The following CSMD1 variants were observed in gnomAD, a reference collection of about 807,000 sequenced individuals.
CSMD1 encodes CUB and sushi domain-containing protein 1.
Under a neutral mutation model 417.5 loss-of-function variants are expected in CSMD1, and 213 were observed. The observed-to-expected ratio is 0.51, with a 90% CI of 0.46 to 0.57. The LOEUF is 0.57. Ranked by LOEUF, CSMD1 falls within the 20% of genes least tolerant of loss-of-function variation. The pLI, the probability that CSMD1 is intolerant of heterozygous loss-of-function variation, is 0.00. For synonymous variants in CSMD1, 2,862 were observed against 1,736.8 expected (o/e 1.65, Z -16.11); for missense variants, 6,923 against 4,529.7 (o/e 1.53, Z -15.17).
At chr8:3,130,944 T>C (rs1817761621) in intron 41 of CSMD1, among the ~76,000 whole-genome samples, 1 of 152,214 alleles carries the variant, frequency 6.6e-6, no homozygotes, top group Non-Finnish European at 1.5e-5. Context: ...TTGTACCAGA[T>C]TAGGCTCTTA....
chr8:3,095,458 G>A (rs929563781), intron 47 of CSMD1, among the ~76,000 whole-genome samples: 1 of 152,008 alleles, frequency 6.6e-6, no homozygotes, highest in African/African-American at 2.4e-5. Flanking sequence ...CATTTAAAAA[G>A]CCATGCTCTG....
intron 1 of CSMD1, chr8:4,787,604 T>C (rs1057147090): frequency 3.1e-5 from 48 of 1,546,514 alleles, no homozygotes; most frequent in Non-Finnish European, 4.1e-5. Context: ...TCCAATTGAA[T>C]GGGTTTGCAG....
chr8:4,389,603 G>A (rs901902541), intron 3 of CSMD1, among the ~76,000 whole-genome samples: 1 of 152,100 alleles, frequency 6.6e-6, no homozygotes, highest in Non-Finnish European at 1.5e-5. Flanking sequence ...TTCAAGTGAA[G>A]TCAAACTTCT....
chr8:4,063,251 A>C (rs1364237648), intron 3 of CSMD1, among the ~76,000 whole-genome samples: 3 of 151,326 alleles, frequency 2.0e-5, no homozygotes, highest in Non-Finnish European at 4.4e-5. Context: ...TGTATCCCAT[A>C]AATATGTACA....
intron 49 of CSMD1, among the ~76,000 whole-genome samples, chr8:3,084,138 G>C (rs1273285715): frequency 3.3e-5 from 5 of 152,124 alleles, no homozygotes; most frequent in African/African-American, 1.2e-4. Context: ...ATTTGCCAAA[G>C]AAAAGCAGCT....
intron 50 of CSMD1, among the ~76,000 whole-genome samples, chr8:3,040,170 A>G (rs1056235254): frequency 2.0e-5 from 3 of 152,178 alleles, no homozygotes; most frequent in African/African-American, 7.2e-5. Flanking sequence ...GATTGAAAGA[A>G]GGAACGAACA....
intron 7 of CSMD1, among the ~76,000 whole-genome samples, chr8:3,679,204 T>C (rs1256721163): frequency 1.3e-5 from 2 of 152,096 alleles, no homozygotes; most frequent in African/African-American, 4.8e-5. Flanking sequence ...TAAATGCAAA[T>C]GGGCTAAATG....
chr8:4,558,816 G>A (rs1482586309), intron 2 of CSMD1, among the ~76,000 whole-genome samples: 2 of 152,132 alleles, frequency 1.3e-5, no homozygotes, highest in African/African-American at 2.4e-5. Context: ...TGCAGTGAAT[G>A]GAGATCGTGC....
chr8:4,582,835 C>T (rs1042551361), intron 2 of CSMD1, among the ~76,000 whole-genome samples: 3 of 152,166 alleles, frequency 2.0e-5, no homozygotes, highest in Admixed American at 6.5e-5. Flanking sequence ...GAGGGAGAGG[C>T]GCGAGTGGGA....
chr8:4,259,712 A>T (rs1430438345), intron 3 of CSMD1, among the ~76,000 whole-genome samples: 2 of 152,154 alleles, frequency 1.3e-5, no homozygotes, highest in Non-Finnish European at 2.9e-5. Context: ...ACATTTCAAT[A>T]ATTTTGCCAC....
intron 1 of CSMD1, among the ~76,000 whole-genome samples, chr8:4,854,806 T>A (rs1395407479): frequency 2.6e-5 from 4 of 152,008 alleles, no homozygotes; most frequent in African/African-American, 9.7e-5. Flanking sequence ...CAGTCTGAGA[T>A]CAAACTGCAA....
In CSMD1 at chr8:4,565,449, G is replaced by C. The variant is rs570703347; in HGVS notation, c.302+71893C>G. Among the ~76,000 whole-genome samples, 51 of 152,072 alleles carry C rather than the reference G, an allele frequency of 3.4e-4. No homozygotes were observed. In the South Asian group the frequency reaches 9.3e-3, roughly 28 times the overall value. ...TAGCAATTTTTTCAAGTAAAATATA[G>C]ATTTTAGCCCAGGCATAGTGGCTCA... On this transcript the variant is annotated intron_variant, in intron 2 of 69. Transcript: ENST00000635120.
chr8:3,454,279 G>C (rs957471841), intron 12 of CSMD1, among the ~76,000 whole-genome samples: 15 of 152,158 alleles, frequency 9.9e-5, no homozygotes, highest in Non-Finnish European at 1.9e-4. Flanking sequence ...TTGCCAGTCT[G>C]TGTCTTTTAA....
At chr8:3,331,259 C>G (rs1429222693) in intron 23 of CSMD1, among the ~76,000 whole-genome samples, 1 of 146,618 alleles carries the variant, frequency 6.8e-6, no homozygotes, top group Non-Finnish European at 1.5e-5. Flanking sequence ...AAAAGAAAAG[C>G]AACTTCCCTA....
At chr8:3,811,067 G>C (rs1021462841) in intron 5 of CSMD1, among the ~76,000 whole-genome samples, 1 of 152,130 alleles carries the variant, frequency 6.6e-6, no homozygotes, top group Admixed American at 6.5e-5. Context: ...CTAAAGAGCT[G>C]TTTTTCCTGA....
At chr8:4,148,263 C>G (rs183297586) in intron 3 of CSMD1, among the ~76,000 whole-genome samples, 327 of 150,686 alleles carry the variant, frequency 2.2e-3, no homozygotes, top group Non-Finnish European at 4.1e-3. Flanking sequence ...CAAACTATCA[C>G]AAGGACAAAA....
chr8:3,032,360 T>C (rs1810397272), intron 50 of CSMD1, among the ~76,000 whole-genome samples: 1 of 151,984 alleles, frequency 6.6e-6, no homozygotes, highest in Non-Finnish European at 1.5e-5. Flanking sequence ...TAAAGAGTGG[T>C]AGAAAAGGTA....
chr8:3,766,214 C>G (rs996461040), intron 5 of CSMD1, among the ~76,000 whole-genome samples: 2 of 152,166 alleles, frequency 1.3e-5, no homozygotes, highest in African/African-American at 4.8e-5. Context: ...CACAGTGGTG[C>G]GCTTTCTTCT....
At position 4,350,555 on chromosome 8, in the gene CSMD1, T is replaced by C. The variant is rs190414275; in HGVS notation, c.415+69398A>G. 4.7e-4 allele frequency among the ~76,000 whole-genome samples: 71 copies of C among 152,314 alleles called. 1 individual carries two copies. In the East Asian group the frequency reaches 0.01, roughly 22 times the overall value. On this transcript the variant is annotated intron_variant, in intron 3 of 69. Transcript: ENST00000635120. ...GTAGGAATGGAGGCTAATGTCCTGATTCCACATTTATTCAATTAACACTTC... is the reference window on the plus strand; with the variant it reads ...GTAGGAATGGAGGCTAATGTCCTGACTCCACATTTATTCAATTAACACTTC...
Sources: gnomAD v4.1 joint callset for allele counts (sites outside exome capture counted in the v4.1 genomes callset) on GRCh38, gnomAD v4.1.1 for gene constraint, MANE v1.5 for transcripts, NCBI Gene and HGNC (gene_info 2026-07-23, HGNC 2026-07-21) for gene names.